The following SIK3 variants were observed in gnomAD, a reference collection of about 807,000 sequenced individuals.
The protein encoded by SIK3 is serine/threonine-protein kinase SIK3.
In SIK3, 28 loss-of-function variants were observed where a neutral mutation model predicts 144.2. The ratio of observed to expected loss-of-function variants is 0.19; its 90% CI spans 0.14 to 0.27. The LOEUF (loss-of-function observed/expected upper bound fraction) is 0.27, where lower values mean the gene tolerates loss of function less well. Among genes scored for constraint, SIK3 ranks in the 10% least tolerant of loss-of-function variants. SIK3 has a pLI of 1.00. For missense variants in SIK3, 1,319 were observed against 1,776.0 expected (o/e 0.74, Z 4.62); for synonymous variants, 686 against 676.3 (o/e 1.01, Z -0.22).
At chr11:116,883,047 T>C (rs868619881) in intron 6 of SIK3, among the ~76,000 whole-genome samples, 1 of 152,220 alleles carries the variant, frequency 6.6e-6, no homozygotes, top group African/African-American at 2.4e-5. Flanking sequence ...ATACACTGCT[T>C]GATGCTGTTA....
rs546958346 is a variant in SIK3, at chr11:116,943,169, CA to C, written c.454+10874del. ...CAGAGTCTAAATTACCAGTAAAAGA[CA>C]AACTTAGAAATGAAAAAAAAAATTA... On this transcript the variant is annotated intron_variant, in intron 3 of 24. Coordinates refer to ENST00000445177, the MANE Select transcript of SIK3 (RefSeq NM_001366686.3). Among the ~76,000 whole-genome samples the C allele has an allele frequency of 1.6e-4, 22 of 139,478 alleles. No individual in the cohort carries two copies. In the East Asian group the frequency reaches 4.4e-3, roughly 28 times the overall value. The allele number at this position is 139,478 out of a possible 152,430, so 91.5% of individuals were successfully genotyped here.
intron 1 of SIK3, among the ~76,000 whole-genome samples, chr11:116,968,470 T>C (rs1229010743): frequency 2.6e-5 from 4 of 152,118 alleles, no homozygotes; most frequent in Non-Finnish European, 5.9e-5. Flanking sequence ...TTAAAGGTGG[T>C]AAGCGGACAA....
intron 1 of SIK3, among the ~76,000 whole-genome samples, chr11:117,045,380 G>C (rs1441465586): frequency 6.6e-6 from 1 of 152,144 alleles, no homozygotes. Context: ...CCATTCTAGT[G>C]GAACTGTTCC....
At chr11:116,916,939 T>C (rs7943455) in intron 4 of SIK3, among the ~76,000 whole-genome samples, 1 of 151,734 alleles carries the variant, frequency 6.6e-6, no homozygotes, top group Non-Finnish European at 1.5e-5. Context: ...ACCTCATCTC[T>C]ACAAAAAGTA....
intron 1 of SIK3, among the ~76,000 whole-genome samples, chr11:117,091,260 G>A (rs1359200761): frequency 7.1e-6 from 1 of 140,464 alleles, no homozygotes; most frequent in East Asian, 2.1e-4. Context: ...GCTGGAGTGC[G>A]ACGGCACGAT....
chr11:116,849,383 T>C lies in SIK3; in HGVS notation c.3656-100A>G. On this transcript the variant is annotated intron_variant, in intron 21 of 24. Coordinates refer to ENST00000445177, the MANE Select transcript of SIK3 (RefSeq NM_001366686.3). This position sits in a 1 kb window ranked among gnomAD's most constrained non-coding sequence, Gnocchi z 4.2. ...TCTTGCAAGGGACAATGGGCAAGGC[T>C]GAGGAGATCATGTACACCAACCGCT... 1.4e-6 allele frequency: 2 copies of C among 1,397,280 alleles called. No homozygotes were observed. Among genetic ancestry groups the C allele is most frequent in the Non-Finnish European group, 2.0e-6 (2 of 1,012,006 alleles). 86.6% of individuals were successfully genotyped at this position (1,397,280 alleles called of 1,614,324 possible).
rs71037434 is a variant in SIK3, at chr11:116,884,350, C to CTT, written c.866-7310_866-7309dup. ...TACAGGCACACACCACCACATCTGG[C>CTT]TTTTTTTTTTTTTTTTTGATGGAGT... On this transcript the variant is annotated intron_variant, in intron 6 of 24. Coordinates refer to ENST00000445177, the MANE Select transcript of SIK3 (RefSeq NM_001366686.3). 7.2e-3 allele frequency among the ~76,000 whole-genome samples: 918 copies of CTT among 128,124 alleles called. 16 individuals are homozygous for CTT. Among genetic ancestry groups the CTT allele is most frequent in the African/African-American group, 0.018 (602 of 34,010 alleles). 84.1% of individuals were successfully genotyped at this position (128,124 alleles called of 152,430 possible).
chr11:116,938,622 GGAGGA>G (rs1180127256), intron 3 of SIK3, among the ~76,000 whole-genome samples: 20,464 of 34,052 alleles, frequency 0.6, 6,045 homozygotes, highest in Non-Finnish European at 0.67. Context: ...AGAGGGGAGG[GGAGGA>G]GAGGAGAGGA....
At chr11:116,852,909 T>C (rs1942581986) in intron 21 of SIK3, among the ~76,000 whole-genome samples, 1 of 152,276 alleles carries the variant, frequency 6.6e-6, no homozygotes, top group African/African-American at 2.4e-5. Context: ...TCTGCTCAAG[T>C]TTCAGTATCA....
At chr11:117,092,192 T>C (rs1185527710) in intron 1 of SIK3, among the ~76,000 whole-genome samples, 2 of 152,122 alleles carry the variant, frequency 1.3e-5, no homozygotes, top group Non-Finnish European at 2.9e-5. Context: ...ACCCAGATGA[T>C]CTGGCCCCTC....
At chr11:117,039,165 C>T (rs1459319649) in intron 1 of SIK3, among the ~76,000 whole-genome samples, 1 of 152,128 alleles carries the variant, frequency 6.6e-6, no homozygotes, top group Non-Finnish European at 1.5e-5. Context: ...AAAGTTGACT[C>T]AAGGCTGTCA....
In SIK3 at chr11:116,995,755, G is replaced by A. The variant is rs142632349; in HGVS notation, c.274-38691C>T. Among the ~76,000 whole-genome samples the A allele has an allele frequency of 2.1e-3, 312 of 152,150 alleles. 3 individuals are homozygous for A. Among genetic ancestry groups the A allele is most frequent in the African/African-American group, 7.0e-3 (291 of 41,510 alleles). ...CTCTACAATAATTATCTTCTTCAGG[G>A]GAGGAATGGCATCTTCCCTGAAAAA... On this transcript the variant is annotated intron_variant, in intron 1 of 24. Transcript: ENST00000445177.
intron 3 of SIK3, among the ~76,000 whole-genome samples, chr11:116,939,602 T>C (rs1308909691): frequency 6.6e-6 from 1 of 152,182 alleles, no homozygotes; most frequent in Non-Finnish European, 1.5e-5. Context: ...GAAAATCAGA[T>C]ATTATACAAC....
intron 1 of SIK3, among the ~76,000 whole-genome samples, chr11:116,989,906 G>A (rs939099466): frequency 6.6e-6 from 1 of 152,006 alleles, no homozygotes; most frequent in African/African-American, 2.4e-5. Flanking sequence ...CTACAAACTG[G>A]GAAGTAAAAG....
At chr11:116,959,998 T>C (rs1949282097) in intron 1 of SIK3, among the ~76,000 whole-genome samples, 1 of 152,192 alleles carries the variant, frequency 6.6e-6, no homozygotes, top group African/African-American at 2.4e-5. Flanking sequence ...GATTTGATCA[T>C]TACATGTTGT....
intron 1 of SIK3, among the ~76,000 whole-genome samples, chr11:117,041,365 T>C (rs1482108350): frequency 6.6e-6 from 1 of 152,158 alleles, no homozygotes; most frequent in African/African-American, 2.4e-5. Flanking sequence ...CCCACCCTCA[T>C]CTAGCCCTTC....
chr11:116,877,550 A>T (rs981611456), intron 6 of SIK3, among the ~76,000 whole-genome samples: 1 of 152,196 alleles, frequency 6.6e-6, no homozygotes, highest in Non-Finnish European at 1.5e-5. Flanking sequence ...AGAGAGCCAC[A>T]GGCTACTTCT....
At chr11:116,910,590 A>C (rs1023927425) in intron 4 of SIK3, among the ~76,000 whole-genome samples, 6 of 152,196 alleles carry the variant, frequency 3.9e-5, no homozygotes, top group African/African-American at 1.4e-4. Context: ...GGAACACCGG[A>C]GTGCTGTACT....
At chr11:116,949,235 T>C (rs2135356406) in intron 3 of SIK3, among the ~76,000 whole-genome samples, 1 of 152,300 alleles carries the variant, frequency 6.6e-6, no homozygotes, top group Middle Eastern at 3.4e-3. Flanking sequence ...CTAGTGAAGT[T>C]TATTTCTCCA....
Sources: gnomAD v4.1 joint callset for allele counts (sites outside exome capture counted in the v4.1 genomes callset) on GRCh38, gnomAD v4.1.1 for gene constraint, Gnocchi (gnomAD v3.1) non-coding constraint, MANE v1.5 for transcripts, NCBI Gene and HGNC (gene_info 2026-07-23, HGNC 2026-07-21) for gene names.